Variants in RTL4 observed in about 807,000 individuals in gnomAD.
RTL4 encodes the protein retrotransposon Gag-like protein 4.
A neutral mutation model predicts 5.3 loss-of-function variants in RTL4; 4 were observed. That is an observed-to-expected ratio of 0.75 (90% CI 0.37 to 1.72). The LOEUF (loss-of-function observed/expected upper bound fraction) is 1.72, where lower values mean the gene tolerates loss of function less well. Among genes scored for constraint, RTL4 ranks in the 40% most tolerant of loss-of-function variants. RTL4 has a pLI of 0.04. For synonymous variants in RTL4, 98 were observed against 87.3 expected, an observed-to-expected ratio of 1.12 and a Z score of -0.68; for missense variants, 260 against 227.1, an observed-to-expected ratio of 1.14 and a Z score of -0.93.
chrX:112,217,612 A>G, the RTL4 span, among the ~76,000 whole-genome samples: 1 of 111,886 alleles, frequency 8.9e-6, no homozygotes, highest in Non-Finnish European at 1.9e-5. Flanking sequence ...TGTCGTGAGT[A>G]GTAAATGTGA....
At chrX:112,417,283 T>G in the RTL4 span, among the ~76,000 whole-genome samples, 1 of 111,807 alleles carries the variant, frequency 8.9e-6, no homozygotes, top group African/African-American at 3.2e-5. Flanking sequence ...AGCTACCCAG[T>G]CCATGTTCTT....
chrX:112,254,270 G>C, the RTL4 span, among the ~76,000 whole-genome samples: 35 of 111,327 alleles, frequency 3.1e-4, no homozygotes, highest in African/African-American at 9.8e-4. Context: ...TTATTGCAGA[G>C]ATCATAGTCT....
chrX:112,189,914 A>G, the RTL4 span, among the ~76,000 whole-genome samples: 7 of 111,909 alleles, frequency 6.3e-5, no homozygotes, highest in Non-Finnish European at 1.1e-4. Context: ...ACAACAAAAC[A>G]GACCTTGAGA....
chrX:112,321,688 T>C, the RTL4 span, among the ~76,000 whole-genome samples: 1 of 112,175 alleles, frequency 8.9e-6, no homozygotes, highest in Non-Finnish European at 1.9e-5. Flanking sequence ...TTTAATTTAA[T>C]CTTCTCATAA....
chrX:112,439,772 C>G, the RTL4 span, among the ~76,000 whole-genome samples: 1 of 110,963 alleles, frequency 9.0e-6, no homozygotes, highest in Non-Finnish European at 1.9e-5. Context: ...TCTGGCACCT[C>G]TGTCCTCTCT....
chrX:112,303,257 A>C, the RTL4 span, among the ~76,000 whole-genome samples: 1 of 111,609 alleles, frequency 9.0e-6, no homozygotes, highest in East Asian at 2.8e-4. Context: ...AACACAAAAA[A>C]TACCCTTTAA....
At chrX:112,202,559 A>G in the RTL4 span, among the ~76,000 whole-genome samples, 2 of 103,696 alleles carry the variant, frequency 1.9e-5, no homozygotes, top group Non-Finnish European at 3.9e-5. Flanking sequence ...TATTATTATT[A>G]TTATTATTAT....
At chrX:112,123,770 G>A in the RTL4 span, among the ~76,000 whole-genome samples, 3 of 111,777 alleles carry the variant, frequency 2.7e-5, no homozygotes, top group Non-Finnish European at 5.6e-5. Flanking sequence ...TCAGGACATA[G>A]GCATGGACAA....
the RTL4 span, among the ~76,000 whole-genome samples, chrX:112,290,708 A>G: frequency 2.7e-5 from 3 of 112,211 alleles, no homozygotes; most frequent in African/African-American, 9.8e-5. Flanking sequence ...TAATTTGAGT[A>G]TAGTAATATA....
At chrX:112,165,478 G>A in the RTL4 span, among the ~76,000 whole-genome samples, 1 of 110,941 alleles carries the variant, frequency 9.0e-6, no homozygotes, top group African/African-American at 3.3e-5. Context: ...CAAATCCTGG[G>A]GAATTGGAAT....
chrX:112,376,010 C>G, the RTL4 span, among the ~76,000 whole-genome samples: 1 of 111,458 alleles, frequency 9.0e-6, no homozygotes, highest in Non-Finnish European at 1.9e-5. Context: ...AATAAGAAGT[C>G]ATAATACCTG....
the RTL4 span, among the ~76,000 whole-genome samples, chrX:112,242,239 A>C: frequency 8.9e-6 from 1 of 111,884 alleles, no homozygotes; most frequent in Non-Finnish European, 1.9e-5. Flanking sequence ...GAAGAAGGTC[A>C]TTGGTAGCTT....
chrX:112,304,994 A>C, the RTL4 span, among the ~76,000 whole-genome samples: 1 of 110,388 alleles, frequency 9.1e-6, no homozygotes, highest in Admixed American at 9.8e-5. Context: ...AAAACGTGAA[A>C]AAAATACTCC....
chrX:112,199,880 A>G, the RTL4 span, among the ~76,000 whole-genome samples: 3 of 112,442 alleles, frequency 2.7e-5, no homozygotes, highest in South Asian at 1.1e-3. Context: ...TCCTTTCTTA[A>G]TTGTAAAAAG....
At chrX:112,328,666 C>CA in the RTL4 span, among the ~76,000 whole-genome samples, 8 of 112,002 alleles carry the variant, frequency 7.1e-5, no homozygotes, top group African/African-American at 2.6e-4. Context: ...ACCTAATAGA[C>CA]ATCTAGAGAA....
At chrX:112,182,604 A>G in the RTL4 span, among the ~76,000 whole-genome samples, 3 of 111,932 alleles carry the variant, frequency 2.7e-5, no homozygotes, top group Admixed American at 2.8e-4. Context: ...AAGTGTGAAG[A>G]CAAGATTAGA....
chrX:112,310,721 T>G, the RTL4 span, among the ~76,000 whole-genome samples: 1 of 75,802 alleles, frequency 1.3e-5, no homozygotes, highest in Non-Finnish European at 2.3e-5. Context: ...ATTTCAATAT[T>G]ATATATTATA....
chrX:112,203,669 A>G, the RTL4 span, among the ~76,000 whole-genome samples: 1 of 111,462 alleles, frequency 9.0e-6, no homozygotes, highest in South Asian at 3.8e-4. Context: ...GCTATATAGT[A>G]AGCCTTCATA....
chrX:112,312,125 CA>C, the RTL4 span, among the ~76,000 whole-genome samples: 1 of 111,202 alleles, frequency 9.0e-6, no homozygotes, highest in African/African-American at 3.3e-5. Flanking sequence ...AACGTATTTC[CA>C]GACATCAAAG....
Sources: allele counts gnomAD v4.1 joint callset (sites outside exome capture counted in the v4.1 genomes callset), GRCh38; gene constraint gnomAD v4.1.1; transcripts MANE v1.5; gene names NCBI Gene and HGNC (gene_info 2026-07-23, HGNC 2026-07-21).